Variants in TRRAP observed in about 807,000 individuals in gnomAD.
TRRAP encodes transformation/transcription domain associated protein.
Under a neutral mutation model 438.8 loss-of-function variants are expected in TRRAP, and 41 were observed. The ratio of observed to expected loss-of-function variants is 0.09; its 90% confidence interval spans 0.07 to 0.12. The LOEUF (loss-of-function observed/expected upper bound fraction) is 0.12. Among genes scored for constraint, TRRAP ranks in the 10% least tolerant of loss-of-function variants. The pLI is 1.00. For synonymous variants in TRRAP, 1,994 were observed against 1,962.9 expected (o/e 1.02, Z -0.42); for missense variants, 3,122 against 5,055.1 (o/e 0.62, Z 11.60).
chr7:98,999,753 C>T (rs1793832608), intron 67 of TRRAP: 8 of 643,424 alleles, frequency 1.2e-5, no homozygotes, highest in Non-Finnish European at 2.0e-5. Flanking sequence ...AGCTACTATT[C>T]TGGGGGCACT....
intron 58 of TRRAP, among the ~76,000 whole-genome samples, chr7:98,981,175 G>A (rs1361899257): frequency 6.6e-6 from 1 of 152,174 alleles, no homozygotes; most frequent in Non-Finnish European, 1.5e-5. Flanking sequence ...GCTGAGGCAG[G>A]CAGATCACCT....
intron 1 of TRRAP, among the ~76,000 whole-genome samples, chr7:98,879,468 G>A (rs1562920863): frequency 6.6e-6 from 1 of 151,898 alleles, no homozygotes; most frequent in Non-Finnish European, 1.5e-5. Flanking sequence ...CCTGGGATGG[G>A]GATGGGCAAG....
At chr7:98,903,909 G>A (rs1424780832) in intron 12 of TRRAP, among the ~76,000 whole-genome samples, 1 of 151,880 alleles carries the variant, frequency 6.6e-6, no homozygotes, top group Non-Finnish European at 1.5e-5. Flanking sequence ...TCTTAGCCGG[G>A]CACGGTTCTC....
Position 98,899,662 on chromosome 7 carries a change from G to T in TRRAP, c.712-17G>T, listed in dbSNP as rs782203238. ...GCAGAGTGTCAATGTATGAAAATCTGGTATGTTTGCTTTTAGCTCTACAAA... is the reference window on the plus strand; with the variant it reads ...GCAGAGTGTCAATGTATGAAAATCTTGTATGTTTGCTTTTAGCTCTACAAA... On this transcript the variant is annotated splice_polypyrimidine_tract_variant and intron_variant, in intron 9 of 72. Coordinates refer to ENST00000456197, the MANE Select transcript of TRRAP (RefSeq NM_001375524.1). The T allele has an allele frequency of 6.2e-7, 1 of 1,614,022 alleles. No homozygotes were observed. The highest frequency in any genetic ancestry group is 1.7e-5 in the Admixed American group (1 of 60,018).
Position 99,013,170 on chromosome 7 carries a change from A to G in TRRAP, c.*815A>G, listed in dbSNP as rs1794495473. The G allele has an allele frequency of 6.6e-6, 1 of 152,142 alleles. No homozygotes were observed. The highest frequency in any genetic ancestry group is 2.4e-5 in the African/African-American group (1 of 41,418). The allele number at this position is 152,142 out of a possible 1,614,324, so 9.4% of individuals were successfully genotyped here. A position where few individuals can be genotyped will look rare whatever the true frequency, so the allele number is the denominator to read the frequency against. On this transcript the variant is annotated 3_prime_UTR_variant, in exon 73 of 73. Coordinates refer to ENST00000456197, the MANE Select transcript of TRRAP (RefSeq NM_001375524.1). ...TTCTGTTCCCATTTTTATAAATCTGAGCATTGATAATGTTCTATCTAAATT... is the reference window on the plus strand; with the variant it reads ...TTCTGTTCCCATTTTTATAAATCTGGGCATTGATAATGTTCTATCTAAATT...
chr7:98,988,251 C>G (rs1233307172), intron 62 of TRRAP, among the ~76,000 whole-genome samples: 1 of 152,162 alleles, frequency 6.6e-6, no homozygotes. Context: ...AGAGTTCCCA[C>G]GTGACCAGCA....
In TRRAP at chr7:98,985,815, A is replaced by T. The variant is rs146021239; in HGVS notation, c.9389+771A>T. Among the ~76,000 whole-genome samples, 332 of 152,362 alleles carry T rather than the reference A, an allele frequency of 2.2e-3. 1 individual carries two copies. Among genetic ancestry groups the T allele is most frequent in the Middle Eastern group, 0.01 (3 of 294 alleles). On this transcript the variant is annotated intron_variant, in intron 62 of 72. Transcript: ENST00000456197. Reference sequence around the variant, plus strand: ...GTTTTAAATTCATGTGACAGACACAACCATTCCAAAGTGTACAATTTAGTG... The same window carrying T: ...GTTTTAAATTCATGTGACAGACACATCCATTCCAAAGTGTACAATTTAGTG...
chr7:98,908,601 A>G lies in TRRAP; in HGVS notation c.1116-127A>G. On this transcript the variant is annotated intron_variant, in intron 13 of 72. Coordinates refer to ENST00000456197, the MANE Select transcript of TRRAP (RefSeq NM_001375524.1). This position sits in a 1 kb window ranked among gnomAD's most constrained non-coding sequence, Gnocchi z 4.1. ...TATCTGGGAGAGAGTAATGTGGTGA[A>G]AATGGGCCATGTAAGTGTGCCGACC... The G allele has an allele frequency of 1.4e-6, 1 of 738,994 alleles. No individual in the cohort carries two copies. Among genetic ancestry groups the G allele is most frequent in the Non-Finnish European group, 2.3e-6 (1 of 443,398 alleles). 45.8% of individuals were successfully genotyped at this position (738,994 alleles called of 1,614,324 possible).
intron 23 of TRRAP, among the ~76,000 whole-genome samples, chr7:98,927,955 A>T (rs1367363443): frequency 6.6e-6 from 1 of 152,092 alleles, no homozygotes; most frequent in Non-Finnish European, 1.5e-5. Flanking sequence ...GACAATAAAA[A>T]TGGCCAGGCA....
chr7:98,999,750 A>G (rs777621330), intron 67 of TRRAP: 4 of 652,004 alleles, frequency 6.1e-6, no homozygotes, highest in African/African-American at 1.9e-5. Flanking sequence ...CAAAGCTACT[A>G]TTCTGGGGGC....
At chr7:98,921,657 T>A in intron 20 of TRRAP, 96 bp from the exon 21 acceptor site, 1 of 1,523,076 alleles carries the variant, frequency 6.6e-7, no homozygotes, top group Non-Finnish European at 9.0e-7. Flanking sequence ...ATTACAGGCA[T>A]GAGCCACTAC....
In TRRAP at chr7:98,978,672, G is replaced by C. The variant is rs2240372; in HGVS notation, c.8499-97G>C. ...ACTCTTACTGTGTTGTTCTTCTGTA[G>C]AATGGAAATTTGCTCCTTAAAACCC... On this transcript the variant is annotated intron_variant, in intron 57 of 72. Transcript: ENST00000456197. The C allele has an allele frequency of 9.5e-5, 145 of 1,518,390 alleles. No homozygotes were observed. In the East Asian group the frequency reaches 3.2e-3, roughly 34 times the overall value. The allele number at this position is 1,518,390 out of a possible 1,614,324, so 94.1% of individuals were successfully genotyped here. A position where few individuals can be genotyped will look rare whatever the true frequency, so the allele number is the denominator to read the frequency against.
intron 24 of TRRAP, 66 bp downstream of exon 24, chr7:98,930,272 G>A (rs1371112957): frequency 1.9e-6 from 3 of 1,561,128 alleles, no homozygotes; most frequent in Admixed American, 1.8e-5. Context: ...GGTCCTTCTA[G>A]AAACTGATAG....
chr7:98,963,470 T>C (rs2116674646), intron 47 of TRRAP, among the ~76,000 whole-genome samples: 1 of 152,290 alleles, frequency 6.6e-6, no homozygotes, highest in South Asian at 2.1e-4. Context: ...CCTGCCTCCC[T>C]CCTCTGTGGG....
chr7:98,882,366 T>TC (rs1425219813), intron 3 of TRRAP, among the ~76,000 whole-genome samples: 12 of 149,936 alleles, frequency 8.0e-5, no homozygotes, highest in African/African-American at 2.9e-4. Context: ...TTTCTTTCTT[T>TC]TTTTTTTTTT....
intron 4 of TRRAP, 84 bp downstream of exon 4, chr7:98,890,529 C>A: frequency 1.1e-6 from 1 of 929,522 alleles, no homozygotes; most frequent in South Asian, 2.7e-5. Flanking sequence ...CTTACGGTTC[C>A]ACTTAAAAAC....
chr7:98,993,569 T>C lies in TRRAP; in HGVS notation c.9879T>C (p.Gly3293=). Reference sequence around the variant, plus strand: ...GACAGCAGCAGCCAAGTTCAGTGGGTAACCAGTCCCATTCTGCATCAGATC... The same window carrying C: ...GACAGCAGCAGCCAAGTTCAGTGGGCAACCAGTCCCATTCTGCATCAGATC... ...DSGQQQPSSV[G]NQSHSASDPG... Residue 3293 remains glycine (G), a synonymous_variant, in exon 66 of 73, where the codon GGT becomes GGC. Coordinates refer to ENST00000456197, the MANE Select transcript of TRRAP (RefSeq NM_001375524.1). The C allele has an allele frequency of 6.2e-7, 1 of 1,613,278 alleles. No homozygotes were observed. Among genetic ancestry groups the C allele is most frequent in the Non-Finnish European group, 8.5e-7 (1 of 1,180,042 alleles).
intron 67 of TRRAP, among the ~76,000 whole-genome samples, chr7:99,000,650 C>A (rs965164027): frequency 6.6e-6 from 1 of 152,272 alleles, no homozygotes; most frequent in East Asian, 1.9e-4. Context: ...ACAAGTGGGG[C>A]AGGCCGCAGC....
At chr7:98,907,150 C>T (rs1032991292) in intron 13 of TRRAP, among the ~76,000 whole-genome samples, 1 of 151,908 alleles carries the variant, frequency 6.6e-6, no homozygotes, top group Non-Finnish European at 1.5e-5. Flanking sequence ...ATGAAGAAAC[C>T]CCTTCTCTAC....
Sources: gnomAD v4.1 joint callset for allele counts (sites outside exome capture counted in the v4.1 genomes callset) on GRCh38, gnomAD v4.1.1 for gene constraint, Gnocchi (gnomAD v3.1) non-coding constraint, MANE v1.5 for transcripts, NCBI Gene and HGNC (gene_info 2026-07-23, HGNC 2026-07-21) for gene names.